Variants in CIROZ observed in about 807,000 individuals in gnomAD.
CIROZ encodes the protein ciliated left-right organizer protein containing ZP-N domains.
chr1:10,955,984 A>T, the CIROZ span, among the ~76,000 whole-genome samples: 1 of 152,132 alleles, frequency 6.6e-6, no homozygotes, highest in Admixed American at 6.5e-5. Flanking sequence ...CCTTTATATA[A>T]AGGGATTTGA....
the CIROZ span, among the ~76,000 whole-genome samples, chr1:10,972,915 C>A: frequency 2.4e-5 from 2 of 83,690 alleles, no homozygotes; most frequent in African/African-American, 5.5e-5. Context: ...AGCGAGATGC[C>A]CCCCCCATCT....
At chr1:10,959,957 G>C in the CIROZ span, among the ~76,000 whole-genome samples, 1 of 152,228 alleles carries the variant, frequency 6.6e-6, no homozygotes, top group Non-Finnish European at 1.5e-5. This position sits in a 1 kb window ranked among gnomAD's most constrained non-coding sequence, Gnocchi z 4.3. Flanking sequence ...AGAATGAGGA[G>C]GATGCGGCAA....
chr1:10,976,428 T>C, the CIROZ span, among the ~76,000 whole-genome samples: 1 of 151,406 alleles, frequency 6.6e-6, no homozygotes, highest in African/African-American at 2.4e-5. Context: ...CTCCGCCCAC[T>C]GCAACCTCCG....
At chr1:10,972,192 G>A in the CIROZ span, among the ~76,000 whole-genome samples, 2 of 152,234 alleles carry the variant, frequency 1.3e-5, no homozygotes, top group Admixed American at 6.5e-5. Flanking sequence ...CCTGTTGGAT[G>A]TAACCTATTT....
At chr1:10,951,444 T>C in the CIROZ span, among the ~76,000 whole-genome samples, 4 of 150,574 alleles carry the variant, frequency 2.7e-5, no homozygotes, top group Non-Finnish European at 5.9e-5. Flanking sequence ...GCACTTGTAA[T>C]CCCAGCTACT....
the CIROZ span, among the ~76,000 whole-genome samples, chr1:10,966,803 C>T: frequency 8.5e-4 from 129 of 152,124 alleles, no homozygotes; most frequent in Middle Eastern, 3.4e-3. Context: ...TGCAGCAGCC[C>T]GCAGGATCCT....
chr1:10,959,619 T>G, the CIROZ span, among the ~76,000 whole-genome samples: 2 of 152,114 alleles, frequency 1.3e-5, no homozygotes, highest in African/African-American at 4.8e-5. This position sits in a 1 kb window ranked among gnomAD's most constrained non-coding sequence, Gnocchi z 4.3. Context: ...CAATACAGAA[T>G]GAGGAGACTG....
the CIROZ span, chr1:10,946,765 G>A: frequency 1.3e-5 from 2 of 152,254 alleles, no homozygotes; most frequent in African/African-American, 4.8e-5. Flanking sequence ...CAGAGGAAGG[G>A]AGTTATGAGT....
chr1:10,957,639 G>A, the CIROZ span: 13 of 1,614,164 alleles, frequency 8.1e-6, no homozygotes, highest in Non-Finnish European at 1.0e-5. Context: ...AGAAGGCCTT[G>A]TCTCGGGCTT....
At chr1:10,960,180 G>C in the CIROZ span, among the ~76,000 whole-genome samples, 1 of 152,116 alleles carries the variant, frequency 6.6e-6, no homozygotes, top group Non-Finnish European at 1.5e-5. This position sits in a 1 kb window ranked among gnomAD's most constrained non-coding sequence, Gnocchi z 4.6. Context: ...CTGAGCTCAG[G>C]AGTTCCAGAC....
chr1:10,969,820 G>T, the CIROZ span: 1 of 1,233,240 alleles, frequency 8.1e-7, no homozygotes, highest in Non-Finnish European at 1.1e-6. Flanking sequence ...TAGAGAGCCT[G>T]GAAGGGCTGT....
chr1:10,951,455 C>T, the CIROZ span, among the ~76,000 whole-genome samples: 3 of 145,600 alleles, frequency 2.1e-5, no homozygotes, highest in Admixed American at 6.7e-5. Context: ...CCCAGCTACT[C>T]GGGAGGCTGA....
the CIROZ span, among the ~76,000 whole-genome samples, chr1:10,974,970 C>T: frequency 5.3e-5 from 8 of 152,294 alleles, no homozygotes; most frequent in African/African-American, 1.9e-4. This position sits in a 1 kb window ranked among gnomAD's most constrained non-coding sequence, Gnocchi z 4.4. Context: ...CCTTCACTGA[C>T]ATCAAGAAGA....
the CIROZ span, among the ~76,000 whole-genome samples, chr1:10,972,316 G>C: frequency 1.3e-5 from 2 of 152,112 alleles, no homozygotes; most frequent in Non-Finnish European, 2.9e-5. Flanking sequence ...GAGGCAGCAG[G>C]ATCGCCTTTA....
At chr1:10,965,766 T>A in the CIROZ span, among the ~76,000 whole-genome samples, 2 of 147,794 alleles carry the variant, frequency 1.4e-5, no homozygotes, top group African/African-American at 5.0e-5. Context: ...GAAGTTGCAG[T>A]GAGCCGAGAT....
the CIROZ span, among the ~76,000 whole-genome samples, chr1:10,979,517 A>G: frequency 2.6e-5 from 4 of 152,080 alleles, no homozygotes; most frequent in African/African-American, 9.7e-5. Context: ...GGTTGGTTCA[A>G]CCACTCTTGG....
At chr1:10,958,797 A>G in the CIROZ span, 2 of 1,604,904 alleles carry the variant, frequency 1.2e-6, no homozygotes, top group African/African-American at 1.3e-5. Flanking sequence ...AGCGGTGAGC[A>G]AAGGTGAGCA....
chr1:10,973,688 G>C, the CIROZ span, among the ~76,000 whole-genome samples: 1 of 152,150 alleles, frequency 6.6e-6, no homozygotes, highest in Non-Finnish European at 1.5e-5. Context: ...CTTCTGAGTT[G>C]GGACGGGAAC....
chr1:10,952,473 T>C, the CIROZ span, among the ~76,000 whole-genome samples: 2 of 152,140 alleles, frequency 1.3e-5, no homozygotes, highest in Non-Finnish European at 2.9e-5. Context: ...CTCTCTGACA[T>C]CTCTCCTGAG....
Sources: allele counts gnomAD v4.1 joint callset (sites outside exome capture counted in the v4.1 genomes callset), GRCh38; gene constraint gnomAD v4.1.1; non-coding constraint Gnocchi (gnomAD v3.1); transcripts MANE v1.5; gene names NCBI Gene and HGNC (gene_info 2026-07-23, HGNC 2026-07-21).